BTBD9: variants seen among roughly 807,000 people sequenced by gnomAD.
BTBD9 encodes the protein BTB/POZ domain-containing protein 9.
BTBD9 carries 49 observed loss-of-function variants against 64.3 expected under a neutral mutation model. That is an observed-to-expected ratio of 0.76 (90% CI 0.61 to 0.97). BTBD9 has a LOEUF of 0.97. Among genes scored for constraint, BTBD9 ranks in the 50% least tolerant of loss-of-function variants. The probability of loss-of-function intolerance (pLI) is 0.00; values close to 1 mark genes in which losing one functional copy is unlikely to be tolerated. For synonymous variants in BTBD9, 260 were observed against 274.7 expected, an observed-to-expected ratio of 0.95 and a Z score of 0.53; for missense variants, 598 against 762.1, an observed-to-expected ratio of 0.78 and a Z score of 2.53.
intron 6 of BTBD9, among the ~76,000 whole-genome samples, chr6:38,540,132 C>G (rs1233774029): frequency 1.3e-5 from 2 of 152,126 alleles, no homozygotes; most frequent in African/African-American, 4.8e-5. Flanking sequence ...CAAAAGTATA[C>G]TAGGGGCACA....
chr6:38,449,195 G>A (rs1769410741), intron 6 of BTBD9, among the ~76,000 whole-genome samples: 1 of 152,130 alleles, frequency 6.6e-6, no homozygotes, highest in Admixed American at 6.5e-5. Flanking sequence ...TAAAATCACA[G>A]GTAGAAGAGG....
At chr6:38,480,035 T>TA (rs1158676725) in intron 6 of BTBD9, among the ~76,000 whole-genome samples, 2 of 152,210 alleles carry the variant, frequency 1.3e-5, no homozygotes, top group Non-Finnish European at 2.9e-5. Context: ...AGATGAGCAC[T>TA]AAAATCTTTA....
At chr6:38,626,240 T>C (rs529776473) in intron 1 of BTBD9, among the ~76,000 whole-genome samples, 1 of 152,362 alleles carries the variant, frequency 6.6e-6, no homozygotes, top group Non-Finnish European at 1.5e-5. Flanking sequence ...CAGCGTGCAA[T>C]GCATAATAAT....
At chr6:38,495,301 C>G (rs536647284) in intron 6 of BTBD9, among the ~76,000 whole-genome samples, 40 of 152,260 alleles carry the variant, frequency 2.6e-4, no homozygotes, top group African/African-American at 9.1e-4. Flanking sequence ...AATAACTAAG[C>G]CTGACTGCCT....
At chr6:38,587,956 C>G in intron 4 of BTBD9, 1 of 730,710 alleles carries the variant, frequency 1.4e-6, no homozygotes, top group Non-Finnish European at 2.6e-6. Flanking sequence ...GAACATCTGA[C>G]AGCATTGCCG....
intron 1 of BTBD9, among the ~76,000 whole-genome samples, chr6:38,622,115 T>A (rs1778002437): frequency 6.6e-6 from 1 of 152,204 alleles, no homozygotes; most frequent in South Asian, 2.1e-4. Flanking sequence ...AATCCCTATT[T>A]ACAAGGCCAA....
intron 6 of BTBD9, among the ~76,000 whole-genome samples, chr6:38,484,405 G>A (rs892013981): frequency 6.6e-6 from 1 of 152,228 alleles, no homozygotes; most frequent in Non-Finnish European, 1.5e-5. Flanking sequence ...TCCTGGGACT[G>A]ACTACTATTT....
intron 8 of BTBD9, among the ~76,000 whole-genome samples, chr6:38,282,493 G>A (rs1311120424): frequency 6.6e-6 from 1 of 152,180 alleles, no homozygotes; most frequent in Non-Finnish European, 1.5e-5. Context: ...CAGACAAGGT[G>A]GTTTCTAAAG....
At chr6:38,315,951 A>T (rs1763013441) in intron 7 of BTBD9, among the ~76,000 whole-genome samples, 1 of 152,164 alleles carries the variant, frequency 6.6e-6, no homozygotes. Context: ...CTCTCTCTTT[A>T]GCTCTAATAA....
intron 10 of BTBD9, 147 bp from the exon 11 acceptor site, chr6:38,175,329 G>C (rs546205506): frequency 2.7e-6 from 2 of 740,884 alleles, no homozygotes; most frequent in Non-Finnish European, 4.5e-6. Context: ...CGCCTGCCCC[G>C]GCGCAGACAC....
intron 4 of BTBD9, among the ~76,000 whole-genome samples, chr6:38,581,755 G>A (rs190191823): frequency 6.6e-6 from 1 of 150,606 alleles, no homozygotes; most frequent in South Asian, 2.1e-4. Flanking sequence ...TCAATGGGGT[G>A]GGGGGGAGAC....
intron 6 of BTBD9, among the ~76,000 whole-genome samples, chr6:38,576,774 T>G (rs1005397400): frequency 2.0e-5 from 3 of 152,132 alleles, no homozygotes; most frequent in African/African-American, 7.2e-5. Flanking sequence ...GTAAAGAATA[T>G]CTAAAGGCAA....
chr6:38,522,771 C>T (rs1773325873), intron 6 of BTBD9, among the ~76,000 whole-genome samples: 1 of 152,120 alleles, frequency 6.6e-6, no homozygotes, highest in African/African-American at 2.4e-5. Flanking sequence ...TTCAATCTAA[C>T]GATGTCTGAA....
At chr6:38,411,888 G>C (rs1295708740) in intron 6 of BTBD9, among the ~76,000 whole-genome samples, 1 of 152,110 alleles carries the variant, frequency 6.6e-6, no homozygotes, top group Non-Finnish European at 1.5e-5. Flanking sequence ...AATGAGCCAA[G>C]ATTGTGTCAT....
chr6:38,368,317 T>C (rs1027760017), intron 6 of BTBD9, among the ~76,000 whole-genome samples: 3 of 152,178 alleles, frequency 2.0e-5, no homozygotes, highest in Admixed American at 6.5e-5. Context: ...GCATGCGCTA[T>C]ACTAGAGCTC....
intron 6 of BTBD9, among the ~76,000 whole-genome samples, chr6:38,476,514 C>G (rs148127776): frequency 6.6e-5 from 10 of 152,292 alleles, no homozygotes; most frequent in African/African-American, 2.2e-4. Context: ...CTAAAAAATA[C>G]CAATTAATGA....
chr6:38,280,172 A>T (rs1186479634), intron 8 of BTBD9, among the ~76,000 whole-genome samples: 2 of 152,224 alleles, frequency 1.3e-5, no homozygotes, highest in Non-Finnish European at 2.9e-5. Flanking sequence ...CCATGCCCCC[A>T]AACTATCCTG....
At chr6:38,452,818 T>C (rs1165986535) in intron 6 of BTBD9, among the ~76,000 whole-genome samples, 1 of 152,092 alleles carries the variant, frequency 6.6e-6, no homozygotes, top group Non-Finnish European at 1.5e-5. Flanking sequence ...GGTGATCACT[T>C]TGTAATACAT....
chr6:38,549,449 G>T lies in BTBD9; in HGVS notation c.1154+28151C>A, dbSNP rs192661792. 5.3e-5 allele frequency among the ~76,000 whole-genome samples: 8 copies of T among 152,262 alleles called. No individual in the cohort carries two copies. In the East Asian group the frequency reaches 1.2e-3, roughly 22 times the overall value. ...ACCTGCTTTGGAGGGCAGTATGTTTGTCCCCAAACAGGCTGGCTCAGTATT... is the reference window on the plus strand; with the variant it reads ...ACCTGCTTTGGAGGGCAGTATGTTTTTCCCCAAACAGGCTGGCTCAGTATT... On this transcript the variant is annotated intron_variant, in intron 6 of 10. Transcript: ENST00000481247.
Sources: allele counts gnomAD v4.1 joint callset (sites outside exome capture counted in the v4.1 genomes callset), GRCh38; gene constraint gnomAD v4.1.1; transcripts MANE v1.5; gene names NCBI Gene and HGNC (gene_info 2026-07-23, HGNC 2026-07-21).